Variants in VPS41 observed in about 807,000 individuals in gnomAD.
The protein encoded by VPS41 is vacuolar protein sorting-associated protein 41 homolog.
VPS41 carries 85 observed loss-of-function variants against 130.9 expected under a neutral mutation model. The observed-to-expected ratio is 0.65, with a 90% CI of 0.55 to 0.78. The LOEUF (loss-of-function observed/expected upper bound fraction) is 0.78. Ranked by LOEUF, VPS41 falls within the 30% of genes least tolerant of loss-of-function variation. The probability of loss-of-function intolerance (pLI) is 0.00; values close to 1 mark genes in which losing one functional copy is unlikely to be tolerated. For missense variants in VPS41, 874 were observed against 1,018.7 expected (o/e 0.86, Z 1.93); for synonymous variants, 335 against 332.9 (o/e 1.01, Z -0.07).
intron 7 of VPS41, among the ~76,000 whole-genome samples, chr7:38,816,609 T>C (rs1343549829): frequency 1.3e-5 from 2 of 152,172 alleles, no homozygotes; most frequent in Non-Finnish European, 2.9e-5. Context: ...AAACAGTCTT[T>C]AAAATATCTC....
chr7:38,827,550 C>A (rs542517001), intron 5 of VPS41, among the ~76,000 whole-genome samples: 38 of 152,178 alleles, frequency 2.5e-4, no homozygotes, highest in African/African-American at 8.9e-4. Context: ...TAATACATAA[C>A]TGACAGCTTA....
chr7:38,819,973 TG>T (rs1477385248), intron 6 of VPS41, among the ~76,000 whole-genome samples: 1 of 152,160 alleles, frequency 6.6e-6, no homozygotes, highest in Non-Finnish European at 1.5e-5. Flanking sequence ...CGTCCCCACC[TG>T]ATGTACTACA....
intron 2 of VPS41, among the ~76,000 whole-genome samples, chr7:38,894,335 C>A (rs1786931907): frequency 6.6e-6 from 1 of 152,096 alleles, no homozygotes; most frequent in Non-Finnish European, 1.5e-5. Flanking sequence ...AAGGCCTAAA[C>A]CTGGTCCATC....
intron 4 of VPS41, among the ~76,000 whole-genome samples, chr7:38,832,809 T>G (rs1584418194): frequency 6.6e-6 from 1 of 152,180 alleles, no homozygotes; most frequent in Non-Finnish European, 1.5e-5. Flanking sequence ...TTTACATCTA[T>G]ACTCAAAACA....
intron 1 of VPS41, among the ~76,000 whole-genome samples, chr7:38,901,579 T>C (rs1406972926): frequency 2.0e-5 from 3 of 152,172 alleles, no homozygotes; most frequent in Non-Finnish European, 4.4e-5. Flanking sequence ...ACTCACTATT[T>C]CAAGGATGGG....
intron 9 of VPS41, 89 bp downstream of exon 9, chr7:38,795,376 C>T: frequency 8.4e-7 from 1 of 1,195,520 alleles, no homozygotes; most frequent in South Asian, 2.0e-5. Context: ...GATTTGGGTC[C>T]TAGAAGCCAA....
intron 1 of VPS41, among the ~76,000 whole-genome samples, chr7:38,908,786 A>G (rs1051602460): frequency 6.6e-6 from 1 of 152,230 alleles, no homozygotes; most frequent in African/African-American, 2.4e-5. Context: ...TCCTACTTCA[A>G]GTGGAAAGCA....
rs994252472 is a variant in VPS41, at chr7:38,867,124, T to C, written c.168+2022A>G. On this transcript the variant is annotated intron_variant, in intron 3 of 28. Coordinates refer to ENST00000310301, the MANE Select transcript of VPS41 (RefSeq NM_014396.4). ...ACCAAAATAGGCAAATCTATATAGA[T>C]ACGAGGTAGATTTCTGGTTACTTGG... Among the ~76,000 whole-genome samples the C allele has an allele frequency of 3.3e-5, 5 of 152,204 alleles. 1 individual carries two copies. Among genetic ancestry groups the C allele is most frequent in the African/African-American group, 1.2e-4 (5 of 41,446 alleles).
At chr7:38,758,278 A>T (rs1211445486) in intron 18 of VPS41, 76 bp downstream of exon 18, 3 of 1,362,998 alleles carry the variant, frequency 2.2e-6, no homozygotes, top group Non-Finnish European at 3.0e-6. Flanking sequence ...CTCCACTTGG[A>T]GTTTGCCAAA....
At chr7:38,870,569 C>G (rs1028281974) in intron 2 of VPS41, among the ~76,000 whole-genome samples, 1 of 151,778 alleles carries the variant, frequency 6.6e-6, no homozygotes, top group African/African-American at 2.4e-5. Context: ...ACTGGGGCCT[C>G]TACAATTTTT....
chr7:38,750,899 C>A (rs1386462468), intron 22 of VPS41, among the ~76,000 whole-genome samples: 1 of 152,164 alleles, frequency 6.6e-6, no homozygotes, highest in South Asian at 2.1e-4. Context: ...ACAATGTTCT[C>A]TTGAAAAGTG....
intron 14 of VPS41, among the ~76,000 whole-genome samples, chr7:38,770,163 G>C (rs905296191): frequency 3.3e-5 from 5 of 152,016 alleles, no homozygotes; most frequent in African/African-American, 1.2e-4. Context: ...CAGCTACTCG[G>C]GAGGCTGAGG....
intron 2 of VPS41, among the ~76,000 whole-genome samples, chr7:38,872,656 A>G (rs562473263): frequency 6.6e-6 from 1 of 152,368 alleles, no homozygotes; most frequent in South Asian, 2.1e-4. Context: ...ACACATTTCT[A>G]TGAAAAGGTA....
At chr7:38,891,058 G>A (rs1390518694) in intron 2 of VPS41, among the ~76,000 whole-genome samples, 2 of 151,994 alleles carry the variant, frequency 1.3e-5, no homozygotes, top group Non-Finnish European at 2.9e-5. Context: ...AAACAATTTT[G>A]GCTTTATATT....
Position 38,774,203 on chromosome 7 carries a change from C to T in VPS41, c.924G>A (p.Gln308=), listed in dbSNP as rs1268869598. The T allele has an allele frequency of 1.9e-6, 3 of 1,609,656 alleles. No homozygotes were observed. The highest frequency in any genetic ancestry group is 1.3e-5 in the African/African-American group (1 of 74,862). ...YCARPRLDII[Q]PLSETCEEIS... is the part of the protein sequence containing the mutation. Reference sequence around the variant, plus strand: ...TCTCTTCACAAGTCTCAGAAAGTGGCTGGATGATGTCCAGTCTAGGCCTGG... The same window carrying T: ...TCTCTTCACAAGTCTCAGAAAGTGGTTGGATGATGTCCAGTCTAGGCCTGG... Residue 308 remains glutamine, a synonymous_variant, in exon 12 of 29, where the codon CAG becomes CAA. Coordinates refer to ENST00000310301, the MANE Select transcript of VPS41 (RefSeq NM_014396.4).
chr7:38,883,465 G>A (rs1033269420), intron 2 of VPS41, among the ~76,000 whole-genome samples: 1 of 152,062 alleles, frequency 6.6e-6, no homozygotes, highest in African/African-American at 2.4e-5. Flanking sequence ...AATGTCACCT[G>A]AACAGACAGG....
intron 4 of VPS41, among the ~76,000 whole-genome samples, chr7:38,850,034 T>A (rs1056476784): frequency 2.0e-5 from 3 of 152,126 alleles, no homozygotes; most frequent in African/African-American, 7.2e-5. Context: ...AAATAAAAAA[T>A]TTCTGAACCT....
intron 7 of VPS41, among the ~76,000 whole-genome samples, chr7:38,805,706 G>C (rs1460957032): frequency 6.6e-6 from 1 of 152,124 alleles, no homozygotes; most frequent in East Asian, 1.9e-4. Context: ...AGCATTGATA[G>C]CTTTCATGGA....
chr7:38,875,269 A>T (rs10266910), intron 2 of VPS41, among the ~76,000 whole-genome samples: 39,094 of 152,122 alleles, frequency 0.26, 6,443 homozygotes, highest in Non-Finnish European at 0.38. Flanking sequence ...TATCACTAAA[A>T]GTACATGAAT....
Sources: allele counts gnomAD v4.1 joint callset (sites outside exome capture counted in the v4.1 genomes callset), GRCh38; gene constraint gnomAD v4.1.1; transcripts MANE v1.5; gene names NCBI Gene and HGNC (gene_info 2026-07-23, HGNC 2026-07-21).